Variants in RNF213 observed in about 807,000 individuals in gnomAD.
RNF213 encodes ring finger protein 213, also known as E3 ubiquitin-protein ligase RNF213.
A neutral mutation model predicts 514.4 loss-of-function variants in RNF213; 341 were observed. The ratio of observed to expected loss-of-function variants is 0.66; its 90% confidence interval spans 0.61 to 0.73. The LOEUF (loss-of-function observed/expected upper bound fraction) is 0.73, where lower values mean the gene tolerates loss of function less well. RNF213 is among the 30% of genes least tolerant of loss of function. The pLI is 0.00. For missense variants in RNF213, 5,767 were observed against 6,615.6 expected (o/e 0.87, Z 4.45); for synonymous variants, 2,655 against 2,658.2 (o/e 1.00, Z 0.04).
chr17:80,272,113 G>GTC (rs1017835077), intron 2 of RNF213, among the ~76,000 whole-genome samples: 3 of 150,720 alleles, frequency 2.0e-5, no homozygotes, highest in African/African-American at 7.3e-5. Context: ...TGAAACCCCT[G>GTC]TCTCTACTAA....
intron 52 of RNF213, 89 bp downstream of exon 52, chr17:80,376,632 C>G: frequency 6.4e-7 from 1 of 1,562,992 alleles, no homozygotes; most frequent in Non-Finnish European, 8.7e-7. Context: ...TGTGGGAACT[C>G]TTGAGCATCT....
In RNF213 at chr17:80,334,265, T is replaced by C. The variant is rs1263444575; in HGVS notation, c.4304T>C (p.Leu1435Pro). 6.5e-7 allele frequency: 1 copy of C among 1,533,316 alleles called. No individual in the cohort carries two copies. The highest frequency in any genetic ancestry group is 2.0e-5 in the Admixed American group (1 of 50,470). The allele number at this position is 1,533,316 out of a possible 1,614,324, so 95.0% of individuals were successfully genotyped here. The change falls in exon 22 of 68, where the codon CTT becomes CCT. Residue 1435 changes from leucine to proline, a missense_variant. This residue lies in a region of RNF213 where 516 missense variants were observed against 566.5 expected (regional missense o/e 0.91). Transcript: ENST00000582970. ...TTCATCTGCTGGGTCCGGGAGGCTC[T>C]TGGAGGTAAAATCAGCCTTTGGGGT... Reference protein sequence around the residue: ...KEFICWVREALGGINELKVFV... With the variant: ...KEFICWVREAPGGINELKVFV...
At chr17:80,332,713 T>C in intron 21 of RNF213, 82 bp downstream of exon 21, 1 of 1,418,692 alleles carries the variant, frequency 7.0e-7, no homozygotes, top group Non-Finnish European at 9.2e-7. Flanking sequence ...TTTGTGGCTT[T>C]GAAAAGGGGG....
At chr17:80,361,681 G>A in intron 38 of RNF213, 53 bp from the exon 39 acceptor site, 2 of 1,605,384 alleles carry the variant, frequency 1.2e-6, no homozygotes, top group Admixed American at 1.7e-5. Flanking sequence ...GGAGGCAGGG[G>A]AGCGCCATGA....
At chr17:80,308,525 C>T (rs533448072) in intron 13 of RNF213, among the ~76,000 whole-genome samples, 178 of 152,046 alleles carry the variant, frequency 1.2e-3, no homozygotes, top group African/African-American at 4.1e-3. Context: ...CCTCCCGAGT[C>T]CCTACCGAGT....
chr17:80,385,833 T>C (rs2080214521), intron 61 of RNF213, among the ~76,000 whole-genome samples: 1 of 152,198 alleles, frequency 6.6e-6, no homozygotes, highest in East Asian at 1.9e-4. Context: ...GCAATTCTCC[T>C]GCCTCAGCCC....
At position 80,381,418 on chromosome 17, in the gene RNF213, G is replaced by A. The variant is rs186229511; in HGVS notation, c.13798-129G>A. On this transcript the variant is annotated intron_variant, in intron 56 of 67. Transcript: ENST00000582970. ...GCCTTCCTTTCACCTGGATCACTCC[G>A]CCGTTTTCATCTTAGAAACCGCCTT... 2.0e-4 allele frequency: 193 copies of A among 955,226 alleles called. No individual in the cohort carries two copies. The African/African-American group carries it at 2.4e-3, about 12-fold the overall frequency. The allele number at this position is 955,226 out of a possible 1,614,324, so 59.2% of individuals were successfully genotyped here.
chr17:80,369,924 AG>A, intron 46 of RNF213, 57 bp downstream of exon 46: 1 of 1,221,728 alleles, frequency 8.2e-7, no homozygotes, highest in Non-Finnish European at 1.2e-6. Flanking sequence ...TCTTCATCGC[AG>A]CGTTTTGTTA....
In RNF213 at chr17:80,359,360, T is replaced by C. The variant is rs188707433; in HGVS notation, c.11055-701T>C. 5.1e-4 allele frequency among the ~76,000 whole-genome samples: 77 copies of C among 151,674 alleles called. 3 individuals are homozygous for C. Among genetic ancestry groups the C allele is most frequent in the Admixed American group, 4.4e-3 (67 of 15,246 alleles). ...GGGCAACATAGTGAGACCCCATCAC[T>C]ACAAAAAATTTAAAAATTAGGCATA... On this transcript the variant is annotated intron_variant, in intron 37 of 67. Transcript: ENST00000582970.
intron 26 of RNF213, chr17:80,341,117 T>C (rs2078144773): frequency 6.6e-6 from 1 of 152,274 alleles, no homozygotes; most frequent in Non-Finnish European, 1.5e-5. Flanking sequence ...TTTTGTATTT[T>C]TAGCAGAGAC....
chr17:80,282,283 C>T (rs111776620), intron 3 of RNF213, among the ~76,000 whole-genome samples: 188 of 152,274 alleles, frequency 1.2e-3, no homozygotes, highest in African/African-American at 3.8e-3. Context: ...ATTGTTGTCT[C>T]GTTATTTTCT....
intron 2 of RNF213, among the ~76,000 whole-genome samples, chr17:80,267,929 C>T (rs2043664465): frequency 1.3e-5 from 2 of 151,630 alleles, no homozygotes; most frequent in Non-Finnish European, 2.9e-5. Context: ...AAGCAATTCT[C>T]CTGCCTCAGC....
intron 50 of RNF213, 53 bp downstream of exon 50, chr17:80,374,642 T>C (rs2079670809): frequency 1.9e-6 from 3 of 1,601,464 alleles, no homozygotes; most frequent in South Asian, 2.2e-5. Flanking sequence ...CCTTGGAGCC[T>C]GCATGTTCCC....
At chr17:80,269,331 C>T (rs1428952452) in intron 2 of RNF213, among the ~76,000 whole-genome samples, 1 of 152,204 alleles carries the variant, frequency 6.6e-6, no homozygotes, top group Non-Finnish European at 1.5e-5. Context: ...TTAACCATCA[C>T]ACCGTCTATC....
rs147534085 is a variant in RNF213 at position 80,298,326 on chromosome 17, G to A, written c.2018G>A (p.Arg673Gln). 59 of 1,614,112 alleles carry A rather than the reference G, an allele frequency of 3.7e-5. No individual in the cohort carries two copies. The African/African-American group carries it at 5.6e-4, about 15-fold the overall frequency. ...SHILGIPQSW[R>Q]LYLVNLCQRC... The stretch of plus-strand genomic sequence containing the variant: ...GGATCTTTATTCCCTTCCAGCTGGC[G>A]GCTGTACCTGGTGAACCTGTGCCAA... The change falls in exon 11 of 68, where the codon CGG (arginine) becomes CAG (glutamine). Residue 673 changes from arginine to glutamine, a missense_variant. Physicochemically the swap from Arg to Gln is conservative, Grantham distance 43. Transcript: ENST00000582970.
Position 80,352,947 on chromosome 17 carries a change from G to A in RNF213, c.10311G>A (p.Trp3437Ter), listed in dbSNP as rs750270490. ...TGGCTTCACTCTTCACAGGGCTGTG[G>A]CAGTCTGTCCACATCGATGACCTCC... is the stretch of plus-strand genomic sequence containing the variant. ...TAYVGFHGGLWQSVHIDDLRR... is the reference protein window; with the variant it reads ...TAYVGFHGGL Residue 3437 changes from tryptophan to a stop codon, truncating the protein, a stop_gained, in exon 33 of 68, where the codon TGG becomes TGA. Transcript: ENST00000582970. LOFTEE classifies it high-confidence loss of function. 6.2e-7 allele frequency: 1 copy of A among 1,614,026 alleles called. No individual in the cohort carries two copies. The highest frequency in any genetic ancestry group is 8.5e-7 in the Non-Finnish European group (1 of 1,180,048).
rs776654063 is a variant in RNF213, at chr17:80,358,305, G to A, written c.10880G>A (p.Arg3627Gln). Residue 3627 changes from arginine (R) to glutamine (Q), a missense_variant, in exon 37 of 68, where the codon CGG (arginine) becomes CAG (glutamine). Arg to Gln is a conservative substitution (Grantham distance 43, BLOSUM62 1). Transcript: ENST00000582970. The stretch of plus-strand genomic sequence containing the variant: ...TGCTGCAGGCACACCCTCTGGAAGC[G>A]GGTCCAAGGTGCTGTCACCCCTCTG... ...AGTFRHTLWK[R>Q]VQGAVTPLLA... is the part of the protein sequence containing the mutation. 27 of 1,613,896 alleles carry A rather than the reference G, an allele frequency of 1.7e-5. No individual in the cohort carries two copies. The highest frequency in any genetic ancestry group is 2.7e-5 in the African/African-American group (2 of 74,924).
In RNF213 at chr17:80,394,127, A is replaced by T. The variant is rs567662792; in HGVS notation, c.*629A>T. 6.5e-6 allele frequency: 1 copy of T among 153,590 alleles called. No individual in the cohort carries two copies. The highest frequency in any genetic ancestry group is 2.4e-5 in the African/African-American group (1 of 41,466). 9.5% of individuals were successfully genotyped at this position (153,590 alleles called of 1,614,324 possible). A position where few individuals can be genotyped will look rare whatever the true frequency, so the allele number is the denominator to read the frequency against. Reference sequence around the variant, plus strand: ...GCCCCACTTCAGAGGGTAAGAGCCAAAAGCCTCATTGTGAAAGGCACTGGA... The same window carrying T: ...GCCCCACTTCAGAGGGTAAGAGCCATAAGCCTCATTGTGAAAGGCACTGGA... On this transcript the variant is annotated 3_prime_UTR_variant, in exon 68 of 68. Transcript: ENST00000582970.
intron 2 of RNF213, among the ~76,000 whole-genome samples, chr17:80,269,759 C>T (rs2043756841): frequency 6.6e-6 from 1 of 151,532 alleles, no homozygotes; most frequent in Admixed American, 6.6e-5. Context: ...CTTATCTATC[C>T]ATCCGTCCAT....
Sources: gnomAD v4.1 joint callset for allele counts (sites outside exome capture counted in the v4.1 genomes callset) on GRCh38, gnomAD v4.1.1 for gene constraint, gnomAD v4.1.1 regional missense constraint, MANE v1.5 for transcripts, NCBI Gene and HGNC (gene_info 2026-07-23, HGNC 2026-07-21) for gene names.